DLGAP1: variants seen among roughly 807,000 people sequenced by gnomAD.
DLGAP1 encodes the protein disks large-associated protein 1.
A neutral mutation model predicts 90.8 loss-of-function variants in DLGAP1; 11 were observed. That is an observed-to-expected ratio of 0.12 (90% confidence interval 0.08 to 0.20). The LOEUF (loss-of-function observed/expected upper bound fraction) is 0.20. DLGAP1 is among the 10% of genes least tolerant of loss of function. The pLI is 1.00. For missense variants in DLGAP1, 1,050 were observed against 1,333.8 expected (o/e 0.79, Z 3.31); for synonymous variants, 558 against 540.7 (o/e 1.03, Z -0.44).
rs545070997 is a variant in DLGAP1, at chr18:4,038,263, G to C, written c.-158-33062C>G. Among the ~76,000 whole-genome samples, 5 of 152,276 alleles carry C rather than the reference G, an allele frequency of 3.3e-5. No individual in the cohort carries two copies. The South Asian group carries it at 1.0e-3, about 32-fold the overall frequency. On this transcript the variant is annotated intron_variant, in intron 2 of 12. Coordinates refer to ENST00000315677, the MANE Select transcript of DLGAP1 (RefSeq NM_004746.4). ...TAACTTCACTCATTCAGTTGATTCTGCCTATTGTTTCATGCCATTCTTTTT... is the reference window on the plus strand; with the variant it reads ...TAACTTCACTCATTCAGTTGATTCTCCCTATTGTTTCATGCCATTCTTTTT...
intron 5 of DLGAP1, among the ~76,000 whole-genome samples, chr18:3,792,477 A>C (rs948732868): frequency 6.6e-6 from 1 of 152,096 alleles, no homozygotes; most frequent in African/African-American, 2.4e-5. Context: ...TCTCAAAAAA[A>C]AAAAGATATT....
Position 4,017,589 on chromosome 18 carries a change from T to C in DLGAP1, c.-158-12388A>G, listed in dbSNP as rs185268871. Among the ~76,000 whole-genome samples, 24 of 152,254 alleles carry C rather than the reference T, an allele frequency of 1.6e-4. No homozygotes were observed. The East Asian group carries it at 3.7e-3, about 23-fold the overall frequency. On this transcript the variant is annotated intron_variant, in intron 2 of 12. Transcript: ENST00000315677. ...AATTTCTGGAAACCCAATGTAGCAA[T>C]AGGTTACAAATAAAGCAAAGAGTGC...
chr18:3,586,928 T>C (rs2055920725), intron 7 of DLGAP1, among the ~76,000 whole-genome samples: 1 of 152,018 alleles, frequency 6.6e-6, no homozygotes, highest in African/African-American at 2.4e-5. Context: ...AGAGTGAGAC[T>C]GAAGGAGGGT....
intron 1 of DLGAP1, among the ~76,000 whole-genome samples, chr18:4,282,276 A>G (rs2079571476): frequency 6.6e-6 from 1 of 151,772 alleles, no homozygotes; most frequent in Admixed American, 6.6e-5. Context: ...AGGCAGGAGA[A>G]TGGCATGAAC....
At chr18:3,814,360 T>A (rs2066989872) in intron 4 of DLGAP1, 87 bp from the exon 5 acceptor site, 3 of 1,176,726 alleles carry the variant, frequency 2.5e-6, no homozygotes, top group Admixed American at 2.8e-5. Flanking sequence ...TTAACATTTC[T>A]ATTTTTTTTT....
rs1004310710 is a variant in DLGAP1, at chr18:3,670,848, A to G, written c.1591+58287T>C. 2.0e-5 allele frequency among the ~76,000 whole-genome samples: 3 copies of G among 152,198 alleles called. No homozygotes were observed. In the East Asian group the frequency reaches 5.8e-4, roughly 29 times the overall value. ...TCTAACATTAACTGTCCCATAACTA[A>G]GCACACTGAGATCAAGGTCAATCTG... On this transcript the variant is annotated intron_variant, in intron 7 of 12. Coordinates refer to ENST00000315677, the MANE Select transcript of DLGAP1 (RefSeq NM_004746.4).
At chr18:4,406,697 T>A (rs1322750423) in intron 1 of DLGAP1, among the ~76,000 whole-genome samples, 1 of 152,120 alleles carries the variant, frequency 6.6e-6, no homozygotes, top group Non-Finnish European at 1.5e-5. Flanking sequence ...TTGGGAGTGG[T>A]TGTGTCAGGG....
At chr18:3,829,355 A>C (rs2067906665) in intron 4 of DLGAP1, among the ~76,000 whole-genome samples, 1 of 151,732 alleles carries the variant, frequency 6.6e-6, no homozygotes, top group Non-Finnish European at 1.5e-5. Context: ...TTAAGTTCCC[A>C]CATGGTGCAA....
chr18:3,969,826 AT>A (rs2073407257), intron 3 of DLGAP1, among the ~76,000 whole-genome samples: 1 of 152,148 alleles, frequency 6.6e-6, no homozygotes, highest in Non-Finnish European at 1.5e-5. Context: ...TCCTTATATA[AT>A]TTTTTAATGT....
chr18:3,691,926 T>TAACAATAAA (rs1567970007), intron 7 of DLGAP1, among the ~76,000 whole-genome samples: 1 of 151,182 alleles, frequency 6.6e-6, no homozygotes, highest in Non-Finnish European at 1.5e-5. Flanking sequence ...TCTCAAAAAA[T>TAACAATAAA]AAAAATAAAA....
intron 7 of DLGAP1, among the ~76,000 whole-genome samples, chr18:3,672,483 T>A (rs8093900): frequency 0.21 from 30,613 of 145,642 alleles, 7,189 homozygotes; most frequent in African/African-American, 0.58. Context: ...AGGCTGAGGC[T>A]GGAGAATCGC....
At chr18:4,279,629 T>C (rs1231869849) in intron 1 of DLGAP1, among the ~76,000 whole-genome samples, 2 of 152,236 alleles carry the variant, frequency 1.3e-5, no homozygotes, top group African/African-American at 2.4e-5. Context: ...ACAACAGTGA[T>C]TTAAATGTGT....
intron 1 of DLGAP1, among the ~76,000 whole-genome samples, chr18:4,401,651 TG>T (rs1203782525): frequency 1.4e-4 from 21 of 152,232 alleles, no homozygotes; most frequent in African/African-American, 4.8e-4. Context: ...AAAATGTACC[TG>T]GAAAATGTAG....
Position 4,088,377 on chromosome 18 carries a change from T to C in DLGAP1, c.-159+62803A>G, listed in dbSNP as rs554458552. 1.1e-4 allele frequency among the ~76,000 whole-genome samples: 17 copies of C among 152,304 alleles called. No homozygotes were observed. The East Asian group carries it at 3.3e-3, about 29-fold the overall frequency. On this transcript the variant is annotated intron_variant, in intron 2 of 12. Transcript: ENST00000315677. ...TTAGACAGTCAACTATCTCATAGCA[T>C]GACTAAACATTAAGAAAGGAGTCTT...
At chr18:4,161,370 T>G (rs1302728808) in intron 1 of DLGAP1, among the ~76,000 whole-genome samples, 2 of 152,158 alleles carry the variant, frequency 1.3e-5, no homozygotes, top group African/African-American at 2.4e-5. Flanking sequence ...TGCATTAGTT[T>G]GCTGAGGATA....
At chr18:4,074,794 G>C (rs1306941679) in intron 2 of DLGAP1, among the ~76,000 whole-genome samples, 1 of 152,064 alleles carries the variant, frequency 6.6e-6, no homozygotes, top group Non-Finnish European at 1.5e-5. Context: ...TCTCAAACTT[G>C]TTCTTTCTTG....
At chr18:3,763,879 C>A (rs1261528535) in intron 5 of DLGAP1, among the ~76,000 whole-genome samples, 5 of 152,070 alleles carry the variant, frequency 3.3e-5, no homozygotes, top group African/African-American at 1.2e-4. Context: ...TCAGGCTGGT[C>A]GCGAACTACT....
intron 3 of DLGAP1, among the ~76,000 whole-genome samples, chr18:3,962,074 G>C (rs1050896087): frequency 6.6e-6 from 1 of 152,090 alleles, no homozygotes; most frequent in Non-Finnish European, 1.5e-5. Flanking sequence ...TTAGGATATT[G>C]ATTCTCAAAA....
intron 7 of DLGAP1, among the ~76,000 whole-genome samples, chr18:3,584,660 G>C (rs1203213353): frequency 2.0e-5 from 3 of 152,078 alleles, no homozygotes; most frequent in Non-Finnish European, 4.4e-5. Flanking sequence ...GCATGACATA[G>C]AGGCAGTCAC....
Sources: allele counts gnomAD v4.1 joint callset (sites outside exome capture counted in the v4.1 genomes callset), GRCh38; gene constraint gnomAD v4.1.1; transcripts MANE v1.5; gene names NCBI Gene and HGNC (gene_info 2026-07-23, HGNC 2026-07-21).